Variants in EXT1 observed in about 807,000 individuals in gnomAD.
EXT1 encodes the protein exostosin glycosyltransferase 1.
A neutral mutation model predicts 82.5 loss-of-function variants in EXT1; 20 were observed. The ratio of observed to expected loss-of-function variants is 0.24; its 90% CI spans 0.17 to 0.35. The LOEUF (loss-of-function observed/expected upper bound fraction) is 0.35, where lower values mean the gene tolerates loss of function less well. EXT1 is among the 10% of genes least tolerant of loss of function. The pLI is 1.00. For missense variants in EXT1, 757 were observed against 936.5 expected, an observed-to-expected ratio of 0.81 and a Z score of 2.50; for synonymous variants, 348 against 350.8, an observed-to-expected ratio of 0.99 and a Z score of 0.09.
intron 1 of EXT1, among the ~76,000 whole-genome samples, chr8:118,043,284 C>T (rs897466060): frequency 6.6e-6 from 1 of 152,234 alleles, no homozygotes; most frequent in Non-Finnish European, 1.5e-5. Flanking sequence ...TATGCCACTG[C>T]CTTGGCGATT....
chr8:118,042,150 G>A (rs985696340), intron 1 of EXT1, among the ~76,000 whole-genome samples: 2 of 152,076 alleles, frequency 1.3e-5, no homozygotes, highest in African/African-American at 2.4e-5. Flanking sequence ...GCCCCATAAG[G>A]TCTTTGATAC....
chr8:117,897,591 CTTTTTTTTTTTT>C, intron 1 of EXT1, among the ~76,000 whole-genome samples: 1 of 90,658 alleles, frequency 1.1e-5, no homozygotes, highest in East Asian at 3.7e-4. Context: ...CTTCTTTTCT[CTTTTTTTTTTTT>C]TTTTTTTTTG....
chr8:117,950,162 AC>A (rs1307782364), intron 1 of EXT1, among the ~76,000 whole-genome samples: 1 of 152,170 alleles, frequency 6.6e-6, no homozygotes, highest in Non-Finnish European at 1.5e-5. Context: ...AATCGCTTGA[AC>A]TTGGGAAGTG....
At chr8:118,036,155 T>C (rs915622271) in intron 1 of EXT1, among the ~76,000 whole-genome samples, 1 of 152,056 alleles carries the variant, frequency 6.6e-6, no homozygotes, top group Non-Finnish European at 1.5e-5. Flanking sequence ...ACTTTTAAAT[T>C]TCCAGCAGCC....
At chr8:118,003,030 T>C (rs1048478367) in intron 1 of EXT1, among the ~76,000 whole-genome samples, 6 of 152,088 alleles carry the variant, frequency 3.9e-5, no homozygotes, top group Admixed American at 3.3e-4. Flanking sequence ...TGTATATATA[T>C]ATATACACAC....
intron 1 of EXT1, among the ~76,000 whole-genome samples, chr8:118,016,637 A>T (rs1015270201): frequency 3.9e-5 from 6 of 152,226 alleles, no homozygotes; most frequent in South Asian, 4.1e-4. Flanking sequence ...GCTGCAGTAA[A>T]GGCCATCTTC....
chr8:118,066,452 C>A lies in EXT1; in HGVS notation c.962+43633G>T, dbSNP rs199707890. ...CTCGGCTCAAGTAGCCTCCGCCTCC[C>A]GGTTCAAGCGATTCTCCTGCCTCAG... is the stretch of plus-strand genomic sequence containing the variant. On this transcript the variant is annotated intron_variant, in intron 1 of 10. Transcript: ENST00000378204. Among the ~76,000 whole-genome samples the A allele has an allele frequency of 2.8e-4, 42 of 151,786 alleles. 1 individual carries two copies. Among genetic ancestry groups the A allele is most frequent in the African/African-American group, 1.0e-3 (42 of 41,354 alleles).
intron 1 of EXT1, among the ~76,000 whole-genome samples, chr8:118,071,512 C>T (rs577063482): frequency 7.3e-6 from 1 of 136,156 alleles, no homozygotes; most frequent in Admixed American, 8.2e-5. Context: ...CGATTACCAT[C>T]GCAAAAGTAG....
intron 1 of EXT1, among the ~76,000 whole-genome samples, chr8:117,988,179 TA>T (rs1274901242): frequency 6.6e-6 from 1 of 152,240 alleles, no homozygotes; most frequent in African/African-American, 2.4e-5. Context: ...CAAACAAGGC[TA>T]ATATTAGTTT....
In EXT1 at chr8:118,047,471, G is replaced by A. The variant is rs545426758; in HGVS notation, c.962+62614C>T. On this transcript the variant is annotated intron_variant, in intron 1 of 10. Coordinates refer to ENST00000378204, the MANE Select transcript of EXT1 (RefSeq NM_000127.3). ...AGGACATAGAGAGCACTCAATCAAC[G>A]TTAGCTACTTTTATCATCAAAGGTA... Among the ~76,000 whole-genome samples the A allele has an allele frequency of 3.3e-5, 5 of 152,192 alleles. No individual in the cohort carries two copies. In the East Asian group the frequency reaches 5.8e-4, roughly 18 times the overall value.
chr8:117,902,168 G>A (rs569572479), intron 1 of EXT1, among the ~76,000 whole-genome samples: 8 of 151,846 alleles, frequency 5.3e-5, no homozygotes, highest in African/African-American at 1.9e-4. Flanking sequence ...ACAATAACAC[G>A]CATGGAGCTG....
rs186864846 is a variant in EXT1, at chr8:118,089,268, G to A, written c.962+20817C>T. On this transcript the variant is annotated intron_variant, in intron 1 of 10. Transcript: ENST00000378204. ...TACTCCTCATTCTCAAAGAATTGGG[G>A]GTGAATATACAGAAAAAGACTATAA... Among the ~76,000 whole-genome samples, 94 of 152,072 alleles carry A rather than the reference G, an allele frequency of 6.2e-4. No homozygotes were observed. The South Asian group carries it at 0.019, about 30-fold the overall frequency.
At chr8:117,869,418 G>T (rs1227083245) in intron 1 of EXT1, among the ~76,000 whole-genome samples, 1 of 152,156 alleles carries the variant, frequency 6.6e-6, no homozygotes, top group East Asian at 1.9e-4. Flanking sequence ...CTGAGTCCAG[G>T]ATGCACAGGA....
intron 1 of EXT1, among the ~76,000 whole-genome samples, chr8:117,886,865 A>G (rs1212497583): frequency 6.6e-6 from 1 of 152,238 alleles, no homozygotes; most frequent in African/African-American, 2.4e-5. Flanking sequence ...CAAATAATAT[A>G]GGACAGAGGT....
At chr8:117,985,683 G>A (rs979708445) in intron 1 of EXT1, among the ~76,000 whole-genome samples, 1 of 152,096 alleles carries the variant, frequency 6.6e-6, no homozygotes, top group African/African-American at 2.4e-5. Flanking sequence ...GTTCATTAGA[G>A]CTACTTATTC....
At chr8:117,808,128 T>C (rs927009602) in intron 8 of EXT1, among the ~76,000 whole-genome samples, 3 of 152,256 alleles carry the variant, frequency 2.0e-5, no homozygotes, top group South Asian at 2.1e-4. Flanking sequence ...CCAGCACTTA[T>C]AGTTAGCAAG....
chr8:118,042,304 GT>G (rs1419684916), intron 1 of EXT1, among the ~76,000 whole-genome samples: 2 of 151,476 alleles, frequency 1.3e-5, no homozygotes, highest in African/African-American at 4.9e-5. Context: ...TTTTTGTTTT[GT>G]TTTGTTTTGA....
chr8:118,107,056 G>A (rs1388549360), intron 1 of EXT1, among the ~76,000 whole-genome samples: 1 of 152,210 alleles, frequency 6.6e-6, no homozygotes, highest in Non-Finnish European at 1.5e-5. Context: ...AGGCACAGGT[G>A]AGACAGAAGT....
chr8:118,025,621 G>C (rs755508103), intron 1 of EXT1, among the ~76,000 whole-genome samples: 1 of 152,182 alleles, frequency 6.6e-6, no homozygotes, highest in Non-Finnish European at 1.5e-5. Context: ...TAAAAGGAGA[G>C]TGAGGAGACT....
Sources: gnomAD v4.1 joint callset for allele counts (sites outside exome capture counted in the v4.1 genomes callset) on GRCh38, gnomAD v4.1.1 for gene constraint, MANE v1.5 for transcripts, NCBI Gene and HGNC (gene_info 2026-07-23, HGNC 2026-07-21) for gene names.